DNMT1: variants seen among roughly 807,000 people sequenced by gnomAD.
The protein encoded by DNMT1 is DNA methyltransferase 1, also known as DNA (cytosine-5)-methyltransferase 1.
DNMT1 carries 24 observed loss-of-function variants against 205.3 expected under a neutral mutation model. The observed-to-expected ratio is 0.12, with a 90% CI of 0.08 to 0.16. The LOEUF is 0.16. Ranked by LOEUF, DNMT1 falls within the 10% of genes least tolerant of loss-of-function variation. The pLI, the probability that DNMT1 is intolerant of heterozygous loss-of-function variation, is 1.00. For missense variants in DNMT1, 1,293 were observed against 2,177.7 expected (o/e 0.59, Z 8.09); for synonymous variants, 817 against 839.8 (o/e 0.97, Z 0.47).
intron 9 of DNMT1, among the ~76,000 whole-genome samples, chr19:10,169,325 G>A (rs909620997): frequency 2.0e-5 from 3 of 147,726 alleles, no homozygotes; most frequent in East Asian, 4.0e-4. Flanking sequence ...GGCAGATCAC[G>A]AGGTCAGGAG....
chr19:10,152,263 A>G (rs2038362912), intron 22 of DNMT1, among the ~76,000 whole-genome samples: 1 of 143,550 alleles, frequency 7.0e-6, no homozygotes, highest in African/African-American at 2.6e-5. Flanking sequence ...TTTAGGTCTC[A>G]AAAAATTAAA....
At chr19:10,148,369 G>A (rs1180674390) in intron 27 of DNMT1, among the ~76,000 whole-genome samples, 2 of 150,384 alleles carry the variant, frequency 1.3e-5, no homozygotes, top group African/African-American at 4.9e-5. Flanking sequence ...GGTGGCAGGC[G>A]CCTGTAGTCC....
At chr19:10,193,044 C>T (rs1157109637) in intron 1 of DNMT1, among the ~76,000 whole-genome samples, 2 of 152,078 alleles carry the variant, frequency 1.3e-5, no homozygotes, top group East Asian at 3.9e-4. Flanking sequence ...GAGACTCCAT[C>T]TCAAACAAAC....
Position 10,156,364 on chromosome 19 carries a change from C to A in DNMT1, c.1399+27G>T, listed in dbSNP as rs775753445. ...GCCTGGCTGTTTTTAAAGTGTGCCC[C>A]AAACATAATCCCGGACTATTCCTTA... On this transcript the variant is annotated intron_variant, in intron 18 of 40. Coordinates refer to ENST00000359526, the MANE Select transcript of DNMT1 (RefSeq NM_001130823.3). The surrounding 1 kb of genome is among the most constrained non-coding windows in gnomAD (Gnocchi z 4.2). 3.2e-6 allele frequency: 5 copies of A among 1,577,362 alleles called. No individual in the cohort carries two copies. In the Middle Eastern group the frequency reaches 6.7e-4, roughly 212 times the overall value.
At chr19:10,189,059 G>A (rs114682909) in intron 1 of DNMT1, among the ~76,000 whole-genome samples, 110 of 152,034 alleles carry the variant, frequency 7.2e-4, no homozygotes, top group African/African-American at 2.5e-3. Context: ...CCTTTAAGCC[G>A]GCAAGTTTGA....
chr19:10,153,121 G>A (rs1410429415), intron 22 of DNMT1, among the ~76,000 whole-genome samples: 1 of 152,114 alleles, frequency 6.6e-6, no homozygotes, highest in African/African-American at 2.4e-5. Flanking sequence ...CTAGATCAAA[G>A]TTAAGAATAC....
At position 10,143,975 on chromosome 19, in the gene DNMT1, G is replaced by A. The variant is rs747954321; in HGVS notation, c.2907C>T (p.Ser969=). The A allele has an allele frequency of 9.3e-6, 15 of 1,613,836 alleles. No homozygotes were observed. Among genetic ancestry groups the A allele is most frequent in the East Asian group, 2.2e-5 (1 of 44,880 alleles). ...CCTTCCGTGGGCGTTTCACGGGACT[G>A]GACAGCTTGATGCTGCAGAGAAGCA... ...PEAFTFNIKL[S]SPVKRPRKEP... is the part of the protein sequence containing the mutation. Residue 969 remains serine, a synonymous_variant, in exon 29 of 41, where the codon TCC becomes TCT. Coordinates refer to ENST00000359526, the MANE Select transcript of DNMT1 (RefSeq NM_001130823.3).
rs747897637 is a variant in DNMT1 at position 10,143,869 on chromosome 19, C to T, written c.3013G>A (p.Glu1005Lys). The change falls in exon 29 of 41, where the codon GAG (glutamate) becomes AAG (lysine). Residue 1005 changes from glutamate to lysine, a missense_variant. Physicochemically the swap from Glu to Lys is moderately conservative, Grantham distance 56. Around this residue, in one of 13 missense-constraint regions of DNMT1, gnomAD observed 167 missense variants for 258.1 expected, o/e 0.65. Transcript: ENST00000359526. ...YIKGSNLDAP[E>K]PYRIGRIKEI... ...TTGATCCGGCCAATTCGGTAGGGCT[C>T]AGGGGCATCCAGGTTGCTGCCTTTG... The T allele has an allele frequency of 1.2e-6, 2 of 1,614,130 alleles. No homozygotes were observed. Among genetic ancestry groups the T allele is most frequent in the Non-Finnish European group, 8.5e-7 (1 of 1,180,024 alleles).
chr19:10,149,168 A>C, intron 26 of DNMT1, 151 bp from the exon 27 acceptor site: 1 of 1,193,092 alleles, frequency 8.4e-7, no homozygotes, highest in Non-Finnish European at 1.2e-6. Context: ...TACTAAAAAT[A>C]CAAAAAATTA....
At chr19:10,177,159 G>T in intron 6 of DNMT1, 133 bp downstream of exon 6, 1 of 789,596 alleles carries the variant, frequency 1.3e-6, no homozygotes, top group Non-Finnish European at 2.1e-6. Flanking sequence ...ATTCATAAAT[G>T]TCTAGAGAAC....
intron 13 of DNMT1, among the ~76,000 whole-genome samples, 191 bp from the exon 14 acceptor site, chr19:10,160,609 G>A (rs1201052673): frequency 6.6e-6 from 1 of 152,174 alleles, no homozygotes; most frequent in Non-Finnish European, 1.5e-5. Flanking sequence ...AAATCTTATA[G>A]TCAGGCCCAG....
At chr19:10,152,438 G>A (rs2038367479) in intron 22 of DNMT1, among the ~76,000 whole-genome samples, 1 of 151,576 alleles carries the variant, frequency 6.6e-6, no homozygotes, top group East Asian at 1.9e-4. Flanking sequence ...ACCAGCCTGG[G>A]CAACATATTA....
Position 10,154,505 on chromosome 19 carries a change from G to C in DNMT1, c.1833-26C>G. The C allele has an allele frequency of 6.2e-7, 1 of 1,614,152 alleles. No homozygotes were observed. The highest frequency in any genetic ancestry group is 8.5e-7 in the Non-Finnish European group (1 of 1,180,042). On this transcript the variant is annotated intron_variant, in intron 21 of 40. Coordinates refer to ENST00000359526, the MANE Select transcript of DNMT1 (RefSeq NM_001130823.3). The surrounding 1 kb of genome is among the most constrained non-coding windows in gnomAD (Gnocchi z 6.3). ...CTACGGGAGAGGTTCCAGCATCTCAGAGGACTGGGACAGAGGATGTGGGCC... is the reference window on the plus strand; with the variant it reads ...CTACGGGAGAGGTTCCAGCATCTCACAGGACTGGGACAGAGGATGTGGGCC...
In DNMT1 at chr19:10,159,707, C is replaced by T; in HGVS notation, c.1231G>A (p.Gly411Ser). 1 of 1,614,214 alleles carries T rather than the reference C, an allele frequency of 6.2e-7. No homozygotes were observed. The highest frequency in any genetic ancestry group is 8.5e-7 in the Non-Finnish European group (1 of 1,180,046). ...GGAAGCGCCTCATAACTCTCAAAGC[C>T]AGACTCGTTGGCATCAAAGATGGAC... ...KLSIFDANESGFESYEALPQH... is the reference protein window; with the variant it reads ...KLSIFDANESSFESYEALPQH... The change falls in exon 17 of 41, where the codon GGC (glycine) becomes AGC (serine). Residue 411 changes from glycine to serine, a missense_variant. Gly to Ser is a moderately conservative substitution (Grantham distance 56). Around this residue, in one of 13 missense-constraint regions of DNMT1, gnomAD observed 120 missense variants for 315.9 expected, o/e 0.38. Coordinates refer to ENST00000359526, the MANE Select transcript of DNMT1 (RefSeq NM_001130823.3). This position sits in a 1 kb window ranked among gnomAD's most constrained non-coding sequence, Gnocchi z 5.0.
At chr19:10,141,218 G>A in intron 30 of DNMT1, 29 bp from the exon 31 acceptor site, 1 of 1,608,958 alleles carries the variant, frequency 6.2e-7, no homozygotes, top group South Asian at 1.1e-5. Context: ...CAATCGTTTG[G>A]GAGAGAAACG....
At chr19:10,186,731 AG>A (rs2039189963) in intron 1 of DNMT1, among the ~76,000 whole-genome samples, 1 of 150,834 alleles carries the variant, frequency 6.6e-6, no homozygotes, top group Non-Finnish European at 1.5e-5. Flanking sequence ...CCAGCTACTC[AG>A]GAGGCTGAGG....
At chr19:10,162,962 G>A in intron 12 of DNMT1, 1 of 533,500 alleles carries the variant, frequency 1.9e-6, no homozygotes. Context: ...TTCTAGAACA[G>A]GCTTTTTTTT....
At chr19:10,181,506 T>C (rs898410242) in intron 2 of DNMT1, among the ~76,000 whole-genome samples, 41 of 143,848 alleles carry the variant, frequency 2.9e-4, no homozygotes, top group African/African-American at 9.9e-4. Context: ...CAATCCAGAG[T>C]AGATTGTTTA....
At position 10,182,611 on chromosome 19, in the gene DNMT1, TATATATGTGTATATATATACACACAC is replaced by T. The variant is rs1323950587; in HGVS notation, c.81-560_81-535del. On this transcript the variant is annotated intron_variant, in intron 1 of 40. Coordinates refer to ENST00000359526, the MANE Select transcript of DNMT1 (RefSeq NM_001130823.3). ...CAGAGTATGTGTGTATATATGTATGTATATATGTGTATATATATACACACACATATATACATACATACATATACATT... is the reference window on the plus strand; with the variant it reads ...CAGAGTATGTGTGTATATATGTATGTATATATACATACATACATATACATT... Among the ~76,000 whole-genome samples, 3 of 151,238 alleles carry T rather than the reference TATATATGTGTATATATATACACACAC, an allele frequency of 2.0e-5. No homozygotes were observed. The Admixed American group carries it at 2.0e-4, about 10-fold the overall frequency.
Sources: allele counts gnomAD v4.1 joint callset (sites outside exome capture counted in the v4.1 genomes callset), GRCh38; gene constraint gnomAD v4.1.1; regional missense constraint gnomAD v4.1.1; non-coding constraint Gnocchi (gnomAD v3.1); transcripts MANE v1.5; gene names NCBI Gene and HGNC (gene_info 2026-07-23, HGNC 2026-07-21).